GALNTL6: variants seen among roughly 807,000 people sequenced by gnomAD.
The protein encoded by GALNTL6 is polypeptide N-acetylgalactosaminyltransferase-like 6.
A neutral mutation model predicts 73.7 loss-of-function variants in GALNTL6; 46 were observed. That is an observed-to-expected ratio of 0.62 (90% CI 0.49 to 0.80). The LOEUF (loss-of-function observed/expected upper bound fraction) is 0.80. GALNTL6 is among the 30% of genes least tolerant of loss of function. The pLI, the probability that GALNTL6 is intolerant of heterozygous loss-of-function variation, is 0.00. For synonymous variants in GALNTL6, 259 were observed against 263.7 expected, an observed-to-expected ratio of 0.98 and a Z score of 0.17; for missense variants, 604 against 755.0, an observed-to-expected ratio of 0.80 and a Z score of 2.34.
intron 5 of GALNTL6, among the ~76,000 whole-genome samples, chr4:172,759,718 G>A (rs1014422525): frequency 6.6e-6 from 1 of 150,418 alleles, no homozygotes; most frequent in African/African-American, 2.5e-5. Context: ...CTAGGGAAGT[G>A]ACTTTCTTAG....
chr4:172,646,336 G>T (rs920206137), intron 5 of GALNTL6, among the ~76,000 whole-genome samples: 1 of 151,972 alleles, frequency 6.6e-6, no homozygotes, highest in African/African-American at 2.4e-5. Flanking sequence ...TCCAGTCTAT[G>T]AACATGGTAT....
chr4:172,325,977 G>A (rs988481288), intron 4 of GALNTL6, among the ~76,000 whole-genome samples: 1 of 151,744 alleles, frequency 6.6e-6, no homozygotes. Flanking sequence ...TGAAACAAAT[G>A]TTAATGAGTT....
At chr4:172,435,730 G>A (rs1424527906) in intron 5 of GALNTL6, among the ~76,000 whole-genome samples, 6 of 151,992 alleles carry the variant, frequency 3.9e-5, no homozygotes, top group African/African-American at 9.7e-5. Flanking sequence ...GGGATATAAC[G>A]AGTGGTTTTC....
rs187522156 is a variant in GALNTL6, at chr4:172,755,044, A to G, written c.554-54317A>G. Reference sequence around the variant, plus strand: ...GCTTGATGGGGACTGAGCCTGCACTAGAGTCCATTTGTCCTAACTTACTTA... The same window carrying G: ...GCTTGATGGGGACTGAGCCTGCACTGGAGTCCATTTGTCCTAACTTACTTA... On this transcript the variant is annotated intron_variant, in intron 5 of 12. Coordinates refer to ENST00000506823, the MANE Select transcript of GALNTL6 (RefSeq NM_001034845.3). 5.3e-5 allele frequency among the ~76,000 whole-genome samples: 8 copies of G among 152,254 alleles called. No homozygotes were observed. In the East Asian group the frequency reaches 5.8e-4, roughly 11 times the overall value.
At chr4:172,907,986 T>C (rs1746997991) in intron 8 of GALNTL6, among the ~76,000 whole-genome samples, 1 of 152,140 alleles carries the variant, frequency 6.6e-6, no homozygotes, top group African/African-American at 2.4e-5. Context: ...TTAATCAAAA[T>C]ATGAGTTATT....
At chr4:172,435,187 T>A (rs1357490468) in intron 5 of GALNTL6, among the ~76,000 whole-genome samples, 1 of 152,140 alleles carries the variant, frequency 6.6e-6, no homozygotes, top group African/African-American at 2.4e-5. Context: ...ATCCTTGGGT[T>A]CTACTGTTAT....
At chr4:172,943,939 C>G (rs1749031977) in intron 9 of GALNTL6, among the ~76,000 whole-genome samples, 1 of 152,044 alleles carries the variant, frequency 6.6e-6, no homozygotes, top group African/African-American at 2.4e-5. Context: ...TGTTCATATC[C>G]AGAGAAGTAA....
In GALNTL6 at chr4:172,383,409, T is replaced by C. The variant is rs541229535; in HGVS notation, c.553+34720T>C. On this transcript the variant is annotated intron_variant, in intron 5 of 12. Coordinates refer to ENST00000506823, the MANE Select transcript of GALNTL6 (RefSeq NM_001034845.3). ...TTTCTTCATTTCATTTTTAGACTTT[T>C]CATTACTAATGTATAGACATCCAAT... 8.1e-4 allele frequency among the ~76,000 whole-genome samples: 123 copies of C among 152,190 alleles called. 1 individual carries two copies. Among genetic ancestry groups the C allele is most frequent in the Non-Finnish European group, 1.4e-3 (95 of 68,004 alleles).
chr4:171,814,525 C>G lies in GALNTL6; in HGVS notation c.-56C>G. 6.3e-7 allele frequency: 1 copy of G among 1,590,422 alleles called. No homozygotes were observed. Among genetic ancestry groups the G allele is most frequent in the Non-Finnish European group, 8.6e-7 (1 of 1,162,852 alleles). On this transcript the variant is annotated 5_prime_UTR_variant, in exon 2 of 13. Coordinates refer to ENST00000506823, the MANE Select transcript of GALNTL6 (RefSeq NM_001034845.3). ...GAGGAAAGGAATTTGACATTAAACA[C>G]AAGAAGCAGTCAGGGAGCCATCTCC...
chr4:172,389,463 T>TTTA lies in GALNTL6; in HGVS notation c.553+40778_553+40780dup, dbSNP rs552157200. On this transcript the variant is annotated intron_variant, in intron 5 of 12. Transcript: ENST00000506823. ...ATTGCAGAAATTATGGGAATGCATA[T>TTTA]TTATTAAAAGGTTAGAAATTAAGTC... Among the ~76,000 whole-genome samples the TTTA allele has an allele frequency of 1.1e-4, 17 of 152,216 alleles. No homozygotes were observed. In the East Asian group the frequency reaches 3.3e-3, roughly 29 times the overall value.
chr4:171,922,757 G>A (rs971453663), intron 2 of GALNTL6, among the ~76,000 whole-genome samples: 1 of 151,942 alleles, frequency 6.6e-6, no homozygotes, highest in African/African-American at 2.4e-5. Context: ...TATAACTTTA[G>A]TATTTATTTT....
At chr4:172,394,027 A>G (rs1281301607) in intron 5 of GALNTL6, among the ~76,000 whole-genome samples, 2 of 152,150 alleles carry the variant, frequency 1.3e-5, no homozygotes, top group African/African-American at 4.8e-5. Context: ...AAAGAGATGT[A>G]GATGGTTGAT....
At chr4:172,321,150 G>C (rs1008017728) in intron 4 of GALNTL6, among the ~76,000 whole-genome samples, 4 of 152,094 alleles carry the variant, frequency 2.6e-5, no homozygotes, top group Non-Finnish European at 4.4e-5. Flanking sequence ...GTGTGTATGT[G>C]CTGGAAAATA....
rs1737562258 is a variant in GALNTL6 at position 172,589,811 on chromosome 4, T to C, written c.554-219550T>C. Among the ~76,000 whole-genome samples, 3 of 152,200 alleles carry C rather than the reference T, an allele frequency of 2.0e-5. No homozygotes were observed. The South Asian group carries it at 6.2e-4, about 31-fold the overall frequency. On this transcript the variant is annotated intron_variant, in intron 5 of 12. Transcript: ENST00000506823. ...TTCTGTTTTATTAACTCTGAATGAC[T>C]GTGTGTTAGTGCATGCAGTCTCTCT...
intron 2 of GALNTL6, among the ~76,000 whole-genome samples, chr4:172,006,226 C>T (rs1415956089): frequency 2.6e-5 from 4 of 152,140 alleles, no homozygotes; most frequent in African/African-American, 9.7e-5. Flanking sequence ...GTGGCTCTGC[C>T]ATGGACTGTG....
intron 2 of GALNTL6, among the ~76,000 whole-genome samples, chr4:171,977,957 T>C (rs912005823): frequency 5.9e-5 from 9 of 152,206 alleles, no homozygotes; most frequent in African/African-American, 2.2e-4. Flanking sequence ...GTAATTGTGG[T>C]TTTTGCCATG....
At chr4:172,872,481 G>A (rs963911742) in intron 7 of GALNTL6, among the ~76,000 whole-genome samples, 3 of 152,092 alleles carry the variant, frequency 2.0e-5, no homozygotes, top group Admixed American at 2.0e-4. Context: ...GAGTTTTAAT[G>A]TAAATACCTT....
chr4:172,434,282 T>C (rs1319903734), intron 5 of GALNTL6, among the ~76,000 whole-genome samples: 1 of 152,134 alleles, frequency 6.6e-6, no homozygotes, highest in Non-Finnish European at 1.5e-5. Context: ...CTTAGAAGTA[T>C]TCCATTCTGG....
intron 3 of GALNTL6, among the ~76,000 whole-genome samples, chr4:172,257,934 A>T (rs1738138734): frequency 6.6e-6 from 1 of 151,252 alleles, no homozygotes; most frequent in Non-Finnish European, 1.5e-5. Context: ...ATCCATTCAT[A>T]TATTCATTTA....
Sources: gnomAD v4.1 joint callset for allele counts (sites outside exome capture counted in the v4.1 genomes callset) on GRCh38, gnomAD v4.1.1 for gene constraint, MANE v1.5 for transcripts, NCBI Gene and HGNC (gene_info 2026-07-23, HGNC 2026-07-21) for gene names.